ZNF131: variants seen among roughly 807,000 people sequenced by gnomAD.
ZNF131 encodes zinc finger protein 131.
ZNF131 carries 7 observed loss-of-function variants against 60.0 expected under a neutral mutation model. The observed-to-expected ratio is 0.12, with a 90% CI of 0.07 to 0.22. The LOEUF (loss-of-function observed/expected upper bound fraction) is 0.22. ZNF131 is among the 10% of genes least tolerant of loss of function. The pLI, the probability that ZNF131 is intolerant of heterozygous loss-of-function variation, is 1.00. For missense variants in ZNF131, 493 were observed against 740.9 expected (o/e 0.67, Z 3.88); for synonymous variants, 257 against 253.2 (o/e 1.01, Z -0.14).
At chr5:43,125,918 A>T (rs1337750774) in intron 3 of ZNF131, among the ~76,000 whole-genome samples, 2 of 152,206 alleles carry the variant, frequency 1.3e-5, no homozygotes, top group Non-Finnish European at 2.9e-5. Flanking sequence ...TGTGGCACAC[A>T]CAAGTCTTCA....
Position 43,175,090 on chromosome 5 carries a change from A to T in ZNF131, c.1829A>T (p.Lys610Met), listed in dbSNP as rs1306542252. ...CCAACAGTGGATTCTGAAGCAGAAA[A>T]GGCAGAGAATGAGGACAGAACAGCT... is the stretch of plus-strand genomic sequence containing the variant. ...TKPTVDSEAEKAENEDRTALP... is the reference protein window; with the variant it reads ...TKPTVDSEAEMAENEDRTALP... The change falls in exon 7 of 7, where the codon AAG (lysine) becomes ATG (methionine). Residue 610 changes from lysine (K) to methionine (M), a missense_variant. Transcript: ENST00000682664. 1 of 1,614,230 alleles carries T rather than the reference A, an allele frequency of 6.2e-7. No individual in the cohort carries two copies. The highest frequency in any genetic ancestry group is 1.7e-5 in the Admixed American group (1 of 60,020).
chr5:43,160,988 T>G lies in ZNF131; in HGVS notation c.372-261T>G, dbSNP rs956758438. 3.3e-5 allele frequency among the ~76,000 whole-genome samples: 5 copies of G among 152,126 alleles called. No homozygotes were observed. The East Asian group carries it at 9.6e-4, about 29-fold the overall frequency. ...GAGCCACTGCACCTGACTGGCACCT[T>G]TTTTTCCCCCATAAAAATCAGTTGA... On this transcript the variant is annotated intron_variant, in intron 4 of 6. Coordinates refer to ENST00000682664, the MANE Select transcript of ZNF131 (RefSeq NM_001330707.2).
At chr5:43,156,396 G>T (rs997545976) in intron 4 of ZNF131, among the ~76,000 whole-genome samples, 1 of 152,172 alleles carries the variant, frequency 6.6e-6, no homozygotes, top group African/African-American at 2.4e-5. Context: ...GGAGAATTTG[G>T]CTCCACTCCT....
At position 43,126,526 on chromosome 5, in the gene ZNF131, G is replaced by T. The variant is rs561392019; in HGVS notation, c.226+3216G>T. On this transcript the variant is annotated intron_variant, in intron 3 of 6. Coordinates refer to ENST00000682664, the MANE Select transcript of ZNF131 (RefSeq NM_001330707.2). Reference sequence around the variant, plus strand: ...TTTAGAGGACGTTTCTTCTCTCCGTGACTTCCCTTGTACACAAGCTCCCAA... The same window carrying T: ...TTTAGAGGACGTTTCTTCTCTCCGTTACTTCCCTTGTACACAAGCTCCCAA... Among the ~76,000 whole-genome samples, 67 of 152,238 alleles carry T rather than the reference G, an allele frequency of 4.4e-4. 1 individual carries two copies. The highest frequency in any genetic ancestry group is 1.6e-3 in the African/African-American group (66 of 41,540).
chr5:43,133,397 C>T (rs150948097), intron 3 of ZNF131, among the ~76,000 whole-genome samples: 5 of 152,114 alleles, frequency 3.3e-5, no homozygotes, highest in African/African-American at 9.6e-5. Context: ...TCTGGGGAGG[C>T]GGACGTTGCA....
At chr5:43,134,910 C>T (rs778364137) in intron 3 of ZNF131, among the ~76,000 whole-genome samples, 1 of 151,636 alleles carries the variant, frequency 6.6e-6, no homozygotes, top group South Asian at 2.1e-4. Context: ...TTTGGCCAGG[C>T]TGGTCTCGAA....
chr5:43,161,492 C>T lies in ZNF131; in HGVS notation c.615C>T (p.Ser205=), dbSNP rs1749691214. The change falls in exon 5 of 7, where the codon TCC becomes TCT. Residue 205 remains serine (S), a synonymous_variant. Transcript: ENST00000682664. ...TAAAGTACATACAGAGCACAGGTTC[C>T]TCTGATGATTCTGCTCTAGCACTGT... ...QSVKYIQSTG[S]SDDSALALLA... 1.2e-6 allele frequency: 2 copies of T among 1,614,126 alleles called. No homozygotes were observed. Among genetic ancestry groups the T allele is most frequent in the Admixed American group, 1.7e-5 (1 of 60,012 alleles).
At chr5:43,148,761 A>G (rs142313623) in intron 4 of ZNF131, among the ~76,000 whole-genome samples, 1 of 152,338 alleles carries the variant, frequency 6.6e-6, no homozygotes, top group East Asian at 1.9e-4. Flanking sequence ...ATAAGGTATA[A>G]TATAAGCTGC....
chr5:43,123,887 C>G (rs1360604009), intron 3 of ZNF131: 1 of 152,188 alleles, frequency 6.6e-6, no homozygotes, highest in South Asian at 2.1e-4. Context: ...TTTGTACTTT[C>G]TAGACATTTT....
At chr5:43,123,883 C>G (rs532969595) in intron 3 of ZNF131, 1 of 152,318 alleles carries the variant, frequency 6.6e-6, no homozygotes, top group Non-Finnish European at 1.5e-5. Context: ...GATTTTTGTA[C>G]TTTCTAGACA....
intron 4 of ZNF131, 106 bp downstream of exon 4, chr5:43,139,415 A>G: frequency 5.1e-6 from 6 of 1,167,522 alleles, no homozygotes; most frequent in Non-Finnish European, 6.7e-6. Flanking sequence ...AGAGTTCTTC[A>G]GAAGAATTAA....
At chr5:43,152,939 A>G (rs998373282) in intron 4 of ZNF131, among the ~76,000 whole-genome samples, 5 of 152,044 alleles carry the variant, frequency 3.3e-5, no homozygotes, top group Non-Finnish European at 5.9e-5. Context: ...TCCCTGCCCT[A>G]TATCTTCTGG....
At chr5:43,152,953 C>G (rs543919679) in intron 4 of ZNF131, among the ~76,000 whole-genome samples, 1 of 152,214 alleles carries the variant, frequency 6.6e-6, no homozygotes, top group South Asian at 2.1e-4. Context: ...CTTCTGGAGT[C>G]GTAAGATGTT....
chr5:43,127,370 G>A (rs1229410074), intron 3 of ZNF131, among the ~76,000 whole-genome samples: 1 of 152,136 alleles, frequency 6.6e-6, no homozygotes, highest in Non-Finnish European at 1.5e-5. Flanking sequence ...ATACTATGTA[G>A]GTTGTGGTCT....
In ZNF131 at chr5:43,161,452, C is replaced by T. The variant is rs1579868983; in HGVS notation, c.575C>T (p.Ser192Phe). The T allele has an allele frequency of 6.2e-7, 1 of 1,614,246 alleles. No individual in the cohort carries two copies. The highest frequency in any genetic ancestry group is 1.1e-5 in the South Asian group (1 of 91,090). The change falls in exon 5 of 7, where the codon TCT becomes TTT. Residue 192 changes from serine (S) to phenylalanine (F), a missense_variant. Transcript: ENST00000682664. ...EGIETLEEVA[S>F]AKQSVKYIQS... The stretch of plus-strand genomic sequence containing the variant: ...ATCGAAACATTAGAGGAAGTGGCTT[C>T]TGCCAAGCAGTCCGTAAAGTACATA...
intron 4 of ZNF131, among the ~76,000 whole-genome samples, chr5:43,149,801 G>A (rs1277627375): frequency 6.9e-6 from 1 of 145,028 alleles, no homozygotes; most frequent in Admixed American, 7.1e-5. Flanking sequence ...TTTTTTAATC[G>A]GCTTTTTTGC....
intron 3 of ZNF131, among the ~76,000 whole-genome samples, chr5:43,132,599 C>T (rs1309148921): frequency 6.6e-6 from 1 of 150,586 alleles, no homozygotes; most frequent in South Asian, 2.1e-4. Flanking sequence ...TAACTTCCAC[C>T]TCCTGGGTTC....
intron 3 of ZNF131, among the ~76,000 whole-genome samples, chr5:43,136,302 G>A (rs966711293): frequency 1.3e-5 from 2 of 152,014 alleles, no homozygotes; most frequent in Non-Finnish European, 2.9e-5. Flanking sequence ...GGGATATTCA[G>A]CCTGTATTAC....
chr5:43,170,383 C>G (rs879193169), intron 5 of ZNF131, among the ~76,000 whole-genome samples: 1 of 152,192 alleles, frequency 6.6e-6, no homozygotes, highest in Non-Finnish European at 1.5e-5. Context: ...TCTAGGACCT[C>G]CTCATTACTG....
Sources: allele counts gnomAD v4.1 joint callset (sites outside exome capture counted in the v4.1 genomes callset), GRCh38; gene constraint gnomAD v4.1.1; transcripts MANE v1.5; gene names NCBI Gene and HGNC (gene_info 2026-07-23, HGNC 2026-07-21).